Variants in UBAP2L observed in about 807,000 individuals in gnomAD.
UBAP2L encodes the protein ubiquitin-associated protein 2-like.
UBAP2L carries 12 observed loss-of-function variants against 130.6 expected under a neutral mutation model. That is an observed-to-expected ratio of 0.09 (90% CI 0.06 to 0.15). UBAP2L has a LOEUF of 0.15. UBAP2L is among the 10% of genes least tolerant of loss of function. The pLI is 1.00. For synonymous variants in UBAP2L, 503 were observed against 524.7 expected (o/e 0.96, Z 0.57); for missense variants, 965 against 1,332.5 (o/e 0.72, Z 4.29).
At position 154,235,602 on chromosome 1, in the gene UBAP2L, C is replaced by T. The variant is rs377251213; in HGVS notation, c.544+311C>T. On this transcript the variant is annotated intron_variant, in intron 6 of 26. Transcript: ENST00000428931. ...TTGGCTCACTGCAACCTCTGCCTCC[C>T]GGGTTCAAGCGATTCTTCTGCCTCA... is the stretch of plus-strand genomic sequence containing the variant. Among the ~76,000 whole-genome samples the T allele has an allele frequency of 2.2e-3, 334 of 152,122 alleles. 7 individuals carry two copies. The highest frequency in any genetic ancestry group is 0.019 in the South Asian group (93 of 4,816).
chr1:154,269,152 C>A, intron 26 of UBAP2L, 198 bp downstream of exon 26: 1 of 881,208 alleles, frequency 1.1e-6, no homozygotes, highest in Non-Finnish European at 1.7e-6. Context: ...CAGAGAAGGG[C>A]CGGGTTGAAA....
chr1:154,251,033 T>A lies in UBAP2L; in HGVS notation c.1214-8T>A. 6.2e-7 allele frequency: 1 copy of A among 1,601,356 alleles called. No homozygotes were observed. The highest frequency in any genetic ancestry group is 8.5e-7 in the Non-Finnish European group (1 of 1,171,048). On this transcript the variant is annotated splice_polypyrimidine_tract_variant and splice_region_variant and intron_variant, in intron 12 of 26. Transcript: ENST00000428931. ...CTCTGGCTTCATATACTGGGTTTCCTCTTGCAGATTTGAAGAACCCAAGTG... is the reference window on the plus strand; with the variant it reads ...CTCTGGCTTCATATACTGGGTTTCCACTTGCAGATTTGAAGAACCCAAGTG...
intron 8 of UBAP2L, among the ~76,000 whole-genome samples, chr1:154,238,061 C>A (rs1672263125): frequency 6.6e-6 from 1 of 152,122 alleles, no homozygotes; most frequent in Non-Finnish European, 1.5e-5. Context: ...TTTAAATTTG[C>A]CTTGTCACCT....
intron 25 of UBAP2L, among the ~76,000 whole-genome samples, chr1:154,267,345 G>A (rs1307144832): frequency 6.6e-6 from 1 of 151,576 alleles, no homozygotes; most frequent in Non-Finnish European, 1.5e-5. Context: ...TAGTAGAGAC[G>A]GGGTTTCACC....
intron 18 of UBAP2L, 73 bp from the exon 19 acceptor site, chr1:154,256,990 T>C (rs1471232559): frequency 6.6e-7 from 1 of 1,507,966 alleles, no homozygotes; most frequent in East Asian, 2.3e-5. Flanking sequence ...GCAGGAGGGA[T>C]TGTCTTATTT....
intron 10 of UBAP2L, 140 bp downstream of exon 10, chr1:154,243,442 T>A: frequency 1.6e-6 from 1 of 640,304 alleles, no homozygotes; most frequent in Non-Finnish European, 2.5e-6. Context: ...ACATTCCTCT[T>A]AAGTTGATGG....
At chr1:154,220,300 G>T (rs751518489), upstream of UBAP2L, 1 of 1,609,420 alleles carries the variant, frequency 6.2e-7, no homozygotes, top group Non-Finnish European at 8.5e-7. Flanking sequence ...TCTCTACTGG[G>T]TAAGATGCGA....
chr1:154,265,174 T>G (rs564093163), intron 24 of UBAP2L, among the ~76,000 whole-genome samples: 7 of 152,352 alleles, frequency 4.6e-5, no homozygotes, highest in East Asian at 1.9e-4. Context: ...TTTTCCAGAT[T>G]AAGATACCAC....
At chr1:154,265,292 C>G (rs1682918109) in intron 24 of UBAP2L, among the ~76,000 whole-genome samples, 1 of 152,076 alleles carries the variant, frequency 6.6e-6, no homozygotes, top group Admixed American at 6.6e-5. Context: ...ATGGAGGATT[C>G]CTTATTTGTG....
At chr1:154,221,699 G>A (rs917722058) in intron 1 of UBAP2L, among the ~76,000 whole-genome samples, 1 of 152,196 alleles carries the variant, frequency 6.6e-6, no homozygotes, top group South Asian at 2.1e-4. Context: ...TCCGTTTCCA[G>A]GCTCTTTGTC....
chr1:154,230,017 G>T (rs1669295022), intron 4 of UBAP2L, among the ~76,000 whole-genome samples: 1 of 151,900 alleles, frequency 6.6e-6, no homozygotes, highest in South Asian at 2.1e-4. Flanking sequence ...ACCATACCCA[G>T]CTAATTTTTT....
intron 10 of UBAP2L, among the ~76,000 whole-genome samples, chr1:154,245,078 C>T (rs765869245): frequency 1.1e-4 from 17 of 152,164 alleles, no homozygotes; most frequent in Non-Finnish European, 1.6e-4. Flanking sequence ...ATAGTAGGCA[C>T]CCGCCACCAC....
At chr1:154,222,868 A>G (rs978481776) in intron 1 of UBAP2L, among the ~76,000 whole-genome samples, 3 of 152,204 alleles carry the variant, frequency 2.0e-5, no homozygotes, top group Non-Finnish European at 2.9e-5. Context: ...CTAGTTTTCA[A>G]AAAAGAGTCA....
At position 154,269,905 on chromosome 1, in the gene UBAP2L, A is replaced by G. The variant is rs1046941731; in HGVS notation, c.3169-295A>G. Among the ~76,000 whole-genome samples, 9 of 152,100 alleles carry G rather than the reference A, an allele frequency of 5.9e-5. No homozygotes were observed. The South Asian group carries it at 8.3e-4, about 14-fold the overall frequency. On this transcript the variant is annotated intron_variant, in intron 26 of 26. Transcript: ENST00000428931. ...GATCACCCATCTCCAAGAGCAGGGGAGAGAGGGGGTAGTGTGAGAATGTAG... is the reference window on the plus strand; with the variant it reads ...GATCACCCATCTCCAAGAGCAGGGGGGAGAGGGGGTAGTGTGAGAATGTAG...
At position 154,260,012 on chromosome 1, in the gene UBAP2L, C is replaced by T; in HGVS notation, c.2561C>T (p.Ala854Val). The change falls in exon 22 of 27, where the codon GCC becomes GTC. Residue 854 changes from alanine to valine, a missense_variant. This residue lies in a region of UBAP2L where 194 missense variants were observed against 334.0 expected (regional missense o/e 0.58). Coordinates refer to ENST00000428931, the MANE Select transcript of UBAP2L (RefSeq NM_014847.4). Reference sequence around the variant, plus strand: ...CTGACTGGGAGGGATGGTAGCCTGGCCAGCAACCCTTATTCTGGTAGGATT... The same window carrying T: ...CTGACTGGGAGGGATGGTAGCCTGGTCAGCAACCCTTATTCTGGTAGGATT... ...TPLTGRDGSL[A>V]SNPYSGDLTK... 1 of 1,614,102 alleles carries T rather than the reference C, an allele frequency of 6.2e-7. No individual in the cohort carries two copies.
At chr1:154,220,544 AC>A, upstream of UBAP2L, 1 of 861,836 alleles carries the variant, frequency 1.2e-6, no homozygotes, top group East Asian at 2.6e-5. Context: ...ACCAAGCCAG[AC>A]CCGGCCTGAA....
Position 154,251,687 on chromosome 1 carries a change from T to C in UBAP2L, c.1664+34T>C, listed in dbSNP as rs189223214. On this transcript the variant is annotated intron_variant, in intron 14 of 26. Transcript: ENST00000428931. ...AACATTAACCATAAGACCTCTCTTA[T>C]TAACCTTTACTACTTTTTTAATCTG... 109 of 1,609,598 alleles carry C rather than the reference T, an allele frequency of 6.8e-5. 2 individuals are homozygous for C. Among genetic ancestry groups the C allele is most frequent in the Admixed American group, 4.4e-4 (26 of 58,886 alleles).
chr1:154,226,636 G>A (rs943909357), intron 2 of UBAP2L, among the ~76,000 whole-genome samples: 1 of 152,170 alleles, frequency 6.6e-6, no homozygotes, highest in Admixed American at 6.5e-5. Context: ...AGAGGATGGC[G>A]TTGGTTATTA....
rs144300846 is a variant in UBAP2L, at chr1:154,235,199, G to A, written c.452G>A (p.Arg151Gln). Residue 151 changes from arginine (R) to glutamine (Q), a missense_variant, in exon 6 of 27, where the codon CGA becomes CAA. This residue lies in a region of UBAP2L where 109 missense variants were observed against 146.6 expected (regional missense o/e 0.74). Coordinates refer to ENST00000428931, the MANE Select transcript of UBAP2L (RefSeq NM_014847.4). Reference sequence around the variant, plus strand: ...TTAATTTTTATTTTTATTTCAGTTCGAGGTCAGGAAAATGGATTGGATGGC... The same window carrying A: ...TTAATTTTTATTTTTATTTCAGTTCAAGGTCAGGAAAATGGATTGGATGGC... ...GRGASRGREF[R>Q]GQENGLDGTK... 13 of 768,408 alleles carry A rather than the reference G, an allele frequency of 1.7e-5. No individual in the cohort carries two copies. Among genetic ancestry groups the A allele is most frequent in the South Asian group, 1.7e-4 (12 of 71,652 alleles). 47.6% of individuals were successfully genotyped at this position (768,408 alleles called of 1,614,324 possible).
Sources: gnomAD v4.1 joint callset for allele counts (sites outside exome capture counted in the v4.1 genomes callset) on GRCh38, gnomAD v4.1.1 for gene constraint, gnomAD v4.1.1 regional missense constraint, MANE v1.5 for transcripts, NCBI Gene and HGNC (gene_info 2026-07-23, HGNC 2026-07-21) for gene names.